DOCK1: variants seen among roughly 807,000 people sequenced by gnomAD.
DOCK1 encodes dedicator of cytokinesis protein 1.
Under a neutral mutation model 262.7 loss-of-function variants are expected in DOCK1, and 138 were observed. The ratio of observed to expected loss-of-function variants is 0.53; its 90% CI spans 0.46 to 0.61. The LOEUF (loss-of-function observed/expected upper bound fraction) is 0.61, where lower values mean the gene tolerates loss of function less well. Among genes scored for constraint, DOCK1 ranks in the 20% least tolerant of loss-of-function variants. The probability of loss-of-function intolerance (pLI) is 0.00; values close to 1 mark genes in which losing one functional copy is unlikely to be tolerated. For missense variants in DOCK1, 1,908 were observed against 2,370.7 expected, an observed-to-expected ratio of 0.80 and a Z score of 4.05; for synonymous variants, 866 against 867.4, an observed-to-expected ratio of 1.00 and a Z score of 0.03.
At chr10:127,200,463 G>A (rs1371286377) in intron 27 of DOCK1, among the ~76,000 whole-genome samples, 3 of 151,798 alleles carry the variant, frequency 2.0e-5, no homozygotes, top group Non-Finnish European at 4.4e-5. Flanking sequence ...TCGTTTTGTT[G>A]CCCAGGCTAG....
chr10:127,278,218 C>T (rs1436873949), intron 29 of DOCK1, among the ~76,000 whole-genome samples: 1 of 152,092 alleles, frequency 6.6e-6, no homozygotes, highest in Non-Finnish European at 1.5e-5. Context: ...ATGGCTGTCC[C>T]TTGAGTCACT....
intron 23 of DOCK1, among the ~76,000 whole-genome samples, chr10:127,069,143 G>A (rs533439465): frequency 6.6e-6 from 1 of 152,284 alleles, no homozygotes; most frequent in South Asian, 2.1e-4. Context: ...TTTCATTGGC[G>A]CCGTGTGTCT....
chr10:127,424,955 C>G (rs2068728594), intron 46 of DOCK1, among the ~76,000 whole-genome samples: 1 of 152,130 alleles, frequency 6.6e-6, no homozygotes, highest in Non-Finnish European at 1.5e-5. Flanking sequence ...AAATGGTAAC[C>G]AAATACATTT....
chr10:127,214,235 G>A (rs2134364493), intron 27 of DOCK1, among the ~76,000 whole-genome samples: 1 of 152,136 alleles, frequency 6.6e-6, no homozygotes, highest in East Asian at 1.9e-4. Flanking sequence ...GGGCCTCTCT[G>A]TAATGCTTCC....
chr10:127,143,129 T>G (rs2051434880), intron 27 of DOCK1, among the ~76,000 whole-genome samples: 2 of 152,206 alleles, frequency 1.3e-5, no homozygotes, highest in South Asian at 4.1e-4. Context: ...CACAGTTTCT[T>G]TAGCAAGCTG....
rs1004448407 is a variant in DOCK1 at position 127,186,621 on chromosome 10, G to T, written c.2847+58857G>T. Among the ~76,000 whole-genome samples, 8 of 150,298 alleles carry T rather than the reference G, an allele frequency of 5.3e-5. No homozygotes were observed. The East Asian group carries it at 7.9e-4, about 15-fold the overall frequency. ...TTGGGTGGGGACAGAGAGCCAAACC[G>T]TATCAGAGGGGCATAAACATATGAA... is the stretch of plus-strand genomic sequence containing the variant. On this transcript the variant is annotated intron_variant, in intron 27 of 51. Transcript: ENST00000623213.
chr10:126,927,777 T>A (rs1233404543), intron 1 of DOCK1, among the ~76,000 whole-genome samples: 1 of 152,168 alleles, frequency 6.6e-6, no homozygotes, highest in East Asian at 1.9e-4. Context: ...AGACGCGTAG[T>A]CAGAGCTGCC....
chr10:127,321,065 A>G (rs2062497238), intron 29 of DOCK1, among the ~76,000 whole-genome samples: 1 of 151,954 alleles, frequency 6.6e-6, no homozygotes, highest in African/African-American at 2.4e-5. Flanking sequence ...ATAAGCCCAC[A>G]TTACCGCCCT....
chr10:127,170,500 G>C (rs2054469129), intron 27 of DOCK1, among the ~76,000 whole-genome samples: 1 of 152,210 alleles, frequency 6.6e-6, no homozygotes, highest in Non-Finnish European at 1.5e-5. Flanking sequence ...AAATAGCAGA[G>C]TATCATTAGG....
chr10:127,365,439 A>G, intron 33 of DOCK1, among the ~76,000 whole-genome samples: 1 of 152,224 alleles, frequency 6.6e-6, no homozygotes, highest in East Asian at 1.9e-4. Flanking sequence ...ACAAATTATA[A>G]TTTAAATGCT....
At chr10:127,177,788 G>C (rs768018374) in intron 27 of DOCK1, among the ~76,000 whole-genome samples, 1 of 152,242 alleles carries the variant, frequency 6.6e-6, no homozygotes, top group African/African-American at 2.4e-5. Flanking sequence ...GAGGTGGTTC[G>C]AGTGCCAGAT....
intron 29 of DOCK1, among the ~76,000 whole-genome samples, chr10:127,329,976 C>T (rs552772316): frequency 6.6e-6 from 1 of 152,262 alleles, no homozygotes; most frequent in South Asian, 2.1e-4. Context: ...TTGCTAACTC[C>T]ACGTTAGGGC....
At chr10:127,181,872 T>C (rs2133973918) in intron 27 of DOCK1, among the ~76,000 whole-genome samples, 2 of 152,332 alleles carry the variant, frequency 1.3e-5, no homozygotes, top group Middle Eastern at 6.8e-3. Flanking sequence ...AGTCCTCTTT[T>C]CCTTGGGGCA....
chr10:126,949,913 G>C (rs1477568530), intron 1 of DOCK1, among the ~76,000 whole-genome samples: 1 of 152,082 alleles, frequency 6.6e-6, no homozygotes, highest in East Asian at 1.9e-4. Context: ...CTTTTTTAGA[G>C]TGTGGAGCCG....
At chr10:126,931,514 G>A (rs2034185541) in intron 1 of DOCK1, among the ~76,000 whole-genome samples, 1 of 152,140 alleles carries the variant, frequency 6.6e-6, no homozygotes, top group South Asian at 2.1e-4. Flanking sequence ...ACACAACAGT[G>A]TGTTTTTGCT....
chr10:127,163,722 C>T (rs866579614), intron 27 of DOCK1, among the ~76,000 whole-genome samples: 4 of 151,912 alleles, frequency 2.6e-5, no homozygotes, highest in South Asian at 2.1e-4. Context: ...CTTCTGCTTC[C>T]GACACCCAGT....
chr10:126,945,421 G>A (rs978405852), intron 1 of DOCK1, among the ~76,000 whole-genome samples: 38 of 151,788 alleles, frequency 2.5e-4, no homozygotes, highest in Non-Finnish European at 5.1e-4. Flanking sequence ...AGGGTGCAGC[G>A]GAGAGGGGGA....
chr10:127,368,982 T>C (rs2065070015), intron 33 of DOCK1, among the ~76,000 whole-genome samples: 1 of 152,208 alleles, frequency 6.6e-6, no homozygotes, highest in Non-Finnish European at 1.5e-5. Flanking sequence ...ATGGAGCTAT[T>C]TTCTGTCATC....
chr10:127,317,268 G>A (rs572098394), intron 29 of DOCK1, among the ~76,000 whole-genome samples: 4 of 152,258 alleles, frequency 2.6e-5, no homozygotes, highest in South Asian at 4.1e-4. Flanking sequence ...AGTCACGTCC[G>A]TACATCTGAG....
Sources: allele counts gnomAD v4.1 joint callset (sites outside exome capture counted in the v4.1 genomes callset), GRCh38; gene constraint gnomAD v4.1.1; transcripts MANE v1.5; gene names NCBI Gene and HGNC (gene_info 2026-07-23, HGNC 2026-07-21).